Variants in LSMEM2 observed in about 807,000 individuals in gnomAD.
LSMEM2 encodes the protein leucine-rich single-pass membrane protein 2.
Under a neutral mutation model 17.3 loss-of-function variants are expected in LSMEM2, and 20 were observed. The ratio of observed to expected loss-of-function variants is 1.16; its 90% confidence interval spans 0.81 to 1.68. The LOEUF is 1.68. LSMEM2 is among the 40% of genes most tolerant of loss of function. LSMEM2 has a pLI of 0.00. For synonymous variants in LSMEM2, 94 were observed against 97.8 expected (o/e 0.96, Z 0.23); for missense variants, 207 against 214.3 (o/e 0.97, Z 0.21).
At chr3:50,286,132 A>G (rs1428255621) in intron 1 of LSMEM2, among the ~76,000 whole-genome samples, 1 of 152,202 alleles carries the variant, frequency 6.6e-6, no homozygotes, top group Non-Finnish European at 1.5e-5. Context: ...AGAACTGACA[A>G]AAGAGGCAGG....
intron 1 of LSMEM2, among the ~76,000 whole-genome samples, chr3:50,280,803 C>T (rs1199659211): frequency 6.6e-6 from 1 of 151,716 alleles, no homozygotes. Context: ...CTGTGTTAGC[C>T]GGCATGGTCT....
At chr3:50,278,157 G>C (rs782574298), upstream of LSMEM2, among the ~76,000 whole-genome samples, 3 of 152,210 alleles carry the variant, frequency 2.0e-5, no homozygotes, top group Non-Finnish European at 4.4e-5. Flanking sequence ...GAACATCAGG[G>C]AGGCCAGTGT....
intron 1 of LSMEM2, among the ~76,000 whole-genome samples, chr3:50,282,478 G>A (rs146331234): frequency 1.6e-4 from 25 of 152,334 alleles, no homozygotes; most frequent in African/African-American, 5.3e-4. Flanking sequence ...ATCTGGAGGT[G>A]TCCCCTCAAT....
intron 1 of LSMEM2, among the ~76,000 whole-genome samples, chr3:50,282,180 G>C (rs1553707848): frequency 6.6e-6 from 1 of 151,670 alleles, no homozygotes; most frequent in Non-Finnish European, 1.5e-5. Context: ...GTAGAGATGG[G>C]GTCTCCCTAC....
At position 50,286,495 on chromosome 3, in the gene LSMEM2, G is replaced by A. The variant is rs540377348; in HGVS notation, c.83G>A (p.Ser28Asn). The change falls in exon 2 of 4, where the codon AGC (serine) becomes AAC (asparagine). Residue 28 changes from serine to asparagine, a missense_variant. By Grantham distance (46) the Ser-to-Asn change is conservative. Coordinates refer to ENST00000316436, the MANE Select transcript of LSMEM2 (RefSeq NM_153215.3). ...GACTCCGTGGCGCCAATGATGCCCA[G>A]CCAGAGGAGCAGGGGGCCATTGGCC... ...QEDSVAPMMP[S>N]QRSRGPLAPN... 4 of 1,609,090 alleles carry A rather than the reference G, an allele frequency of 2.5e-6. No homozygotes were observed. Among genetic ancestry groups the A allele is most frequent in the African/African-American group, 2.7e-5 (2 of 74,996 alleles).
Position 50,287,303 on chromosome 3 carries a change from C to CTA in LSMEM2, c.*103_*104dup. The CTA allele has an allele frequency of 6.8e-7, 1 of 1,467,124 alleles. No individual in the cohort carries two copies. Among genetic ancestry groups the CTA allele is most frequent in the Non-Finnish European group, 9.4e-7 (1 of 1,063,602 alleles). 90.9% of individuals were successfully genotyped at this position (1,467,124 alleles called of 1,614,324 possible). A position where few individuals can be genotyped will look rare whatever the true frequency, so the allele number is the denominator to read the frequency against. On this transcript the variant is annotated 3_prime_UTR_variant, in exon 4 of 4. Transcript: ENST00000316436. The stretch of plus-strand genomic sequence containing the variant: ...CCTACTGCTGGCTGCCACATCTACA[C>CTA]TATTTCCTTGGTGAGATTTTTGTAC...
Position 50,287,234 on chromosome 3 carries a change from G to C in LSMEM2, c.*32G>C. On this transcript the variant is annotated 3_prime_UTR_variant, in exon 4 of 4. Coordinates refer to ENST00000316436, the MANE Select transcript of LSMEM2 (RefSeq NM_153215.3). Reference sequence around the variant, plus strand: ...ATTTGGATCTGGGGCCTGGGGGTGTGTGTTGGTGGGGGAATAAAGTGGCTA... The same window carrying C: ...ATTTGGATCTGGGGCCTGGGGGTGTCTGTTGGTGGGGGAATAAAGTGGCTA... 6.2e-7 allele frequency: 1 copy of C among 1,610,440 alleles called. No individual in the cohort carries two copies. Among genetic ancestry groups the C allele is most frequent in the Non-Finnish European group, 8.5e-7 (1 of 1,178,330 alleles).
At position 50,286,693 on chromosome 3, in the gene LSMEM2, TCTAA is replaced by T; in HGVS notation, c.195_198del (p.Thr66LysfsTer44). 1.9e-6 allele frequency: 3 copies of T among 1,614,020 alleles called. No homozygotes were observed. Among genetic ancestry groups the T allele is most frequent in the Non-Finnish European group, 2.5e-6 (3 of 1,179,964 alleles). ...ACCCAGCAGGCACACTGCGCCCCTA[TCTAA>T]CTGAAGAGGCACGACCGTGGGATGA... On this transcript the variant is annotated frameshift_variant, in exon 3 of 4. Coordinates refer to ENST00000316436, the MANE Select transcript of LSMEM2 (RefSeq NM_153215.3). LOFTEE classifies it high-confidence loss of function.
At chr3:50,281,352 G>A (rs1471159370) in intron 1 of LSMEM2, among the ~76,000 whole-genome samples, 4 of 142,916 alleles carry the variant, frequency 2.8e-5, no homozygotes, top group African/African-American at 7.8e-5. Context: ...GGGCCACTGC[G>A]CCCGGCCCTT....
chr3:50,279,531 G>A (rs1701347004), intron 1 of LSMEM2, among the ~76,000 whole-genome samples: 1 of 152,208 alleles, frequency 6.6e-6, no homozygotes, highest in Non-Finnish European at 1.5e-5. Context: ...GGATTGGGGT[G>A]GGTAGTGGTT....
At position 50,287,111 on chromosome 3, in the gene LSMEM2, G is replaced by A. The variant is rs376635340; in HGVS notation, c.404G>A (p.Arg135His). 23 of 1,614,024 alleles carry A rather than the reference G, an allele frequency of 1.4e-5. No individual in the cohort carries two copies. Among genetic ancestry groups the A allele is most frequent in the African/African-American group, 6.7e-5 (5 of 74,924 alleles). Residue 135 changes from arginine to histidine, a missense_variant, in exon 4 of 4, where the codon CGC (arginine) becomes CAC (histidine). Arg to His is a conservative substitution (Grantham distance 29). Transcript: ENST00000316436. The stretch of plus-strand genomic sequence containing the variant: ...CTGCGCATCCTGGCACACACGCTCC[G>A]CACGCAGGAGGAGACACTACTCAAA... The part of the protein sequence containing the change: ...ESLRILAHTL[R>H]TQEETLLKLR...
chr3:50,286,127 T>C (rs1701517128), intron 1 of LSMEM2, among the ~76,000 whole-genome samples: 1 of 152,182 alleles, frequency 6.6e-6, no homozygotes, highest in African/African-American at 2.4e-5. Flanking sequence ...CAGGGAGAAC[T>C]GACAAAAGAG....
intron 1 of LSMEM2, among the ~76,000 whole-genome samples, chr3:50,284,417 G>A (rs1553708127): frequency 6.6e-6 from 1 of 151,688 alleles, no homozygotes; most frequent in African/African-American, 2.4e-5. Flanking sequence ...GCTTCTGGAG[G>A]ACAGTTTGGT....
intron 1 of LSMEM2, among the ~76,000 whole-genome samples, chr3:50,281,670 AT>A (rs144025924): frequency 0.021 from 1,969 of 95,504 alleles, 31 homozygotes; most frequent in African/African-American, 0.069. Context: ...GCAGCAGGGA[AT>A]TTTTTTTTTT....
At chr3:50,283,793 TCAAA>T (rs375751729) in intron 1 of LSMEM2, among the ~76,000 whole-genome samples, 27 of 151,790 alleles carry the variant, frequency 1.8e-4, no homozygotes, top group Admixed American at 1.4e-3. Flanking sequence ...AGACTCTGTC[TCAAA>T]CAAACAAACA....
rs1407155086 is a variant in LSMEM2 at position 50,288,010 on chromosome 3, G to C, written c.*808G>C. 1 of 614,408 alleles carries C rather than the reference G, an allele frequency of 1.6e-6. No individual in the cohort carries two copies. The highest frequency in any genetic ancestry group is 2.9e-6 in the Non-Finnish European group (1 of 339,568). The allele number at this position is 614,408 out of a possible 1,614,324, so 38.1% of individuals were successfully genotyped here. A position where few individuals can be genotyped will look rare whatever the true frequency, so the allele number is the denominator to read the frequency against. ...GGAAGGGGCCACAGGGCTGAGTGCA[G>C]GGACAAAGGGGTCAGGGTCCCAAGT... On this transcript the variant is annotated 3_prime_UTR_variant, in exon 4 of 4. Coordinates refer to ENST00000316436, the MANE Select transcript of LSMEM2 (RefSeq NM_153215.3).
chr3:50,285,854 G>A (rs587717194), intron 1 of LSMEM2, among the ~76,000 whole-genome samples: 201 of 152,306 alleles, frequency 1.3e-3, no homozygotes, highest in African/African-American at 4.6e-3. Context: ...AAAAAAAAAG[G>A]GGGGCGGGGA....
At chr3:50,286,977 G>A (rs965772548) in intron 3 of LSMEM2, 92 bp from the exon 4 acceptor site, 18 of 1,588,028 alleles carry the variant, frequency 1.1e-5, no homozygotes, top group African/African-American at 4.0e-5. Flanking sequence ...AGGATGGGGC[G>A]GGAGGCCCGT....
Position 50,287,207 on chromosome 3 carries a change from C to A in LSMEM2, c.*5C>A, listed in dbSNP as rs1470347262. On this transcript the variant is annotated 3_prime_UTR_variant, in exon 4 of 4. Coordinates refer to ENST00000316436, the MANE Select transcript of LSMEM2 (RefSeq NM_153215.3). ...GAGGCCCAAGCACCCAGCTGAGATG[C>A]CATTTGGATCTGGGGCCTGGGGGTG... 6.2e-7 allele frequency: 1 copy of A among 1,613,350 alleles called. No homozygotes were observed. The highest frequency in any genetic ancestry group is 2.2e-5 in the East Asian group (1 of 44,804).
Sources: gnomAD v4.1 joint callset for allele counts (sites outside exome capture counted in the v4.1 genomes callset) on GRCh38, gnomAD v4.1.1 for gene constraint, MANE v1.5 for transcripts, NCBI Gene and HGNC (gene_info 2026-07-23, HGNC 2026-07-21) for gene names.